ETV6: variants seen among roughly 807,000 people sequenced by gnomAD.
The protein encoded by ETV6 is ETS variant transcription factor 6.
A neutral mutation model predicts 51.1 loss-of-function variants in ETV6; 16 were observed. The observed-to-expected ratio is 0.31, with a 90% confidence interval of 0.21 to 0.48. The LOEUF is 0.48. ETV6 is among the 20% of genes least tolerant of loss of function. The pLI, the probability that ETV6 is intolerant of heterozygous loss-of-function variation, is 0.99. For missense variants in ETV6, 458 were observed against 594.8 expected (o/e 0.77, Z 2.39); for synonymous variants, 240 against 224.1 (o/e 1.07, Z -0.64).
At chr12:11,672,844 A>C (rs561749657) in intron 1 of ETV6, among the ~76,000 whole-genome samples, 1 of 152,354 alleles carries the variant, frequency 6.6e-6, no homozygotes, top group South Asian at 2.1e-4. Context: ...TGAGGGTAGG[A>C]AGGCGGTGAA....
Position 11,871,481 on chromosome 12 carries a change from C to T in ETV6, c.1009+1512C>T, listed in dbSNP as rs570967677. ...CTAGGATTACAGGCGTGAGCCACCG[C>T]GCCTGGCCGGTACTGTCCCTTTTTT... is the stretch of plus-strand genomic sequence containing the variant. On this transcript the variant is annotated intron_variant, in intron 5 of 7. Coordinates refer to ENST00000396373, the MANE Select transcript of ETV6 (RefSeq NM_001987.5). 8.5e-5 allele frequency among the ~76,000 whole-genome samples: 13 copies of T among 152,294 alleles called. No individual in the cohort carries two copies. In the South Asian group the frequency reaches 1.4e-3, roughly 17 times the overall value.
At chr12:11,822,168 G>A (rs1194367804) in intron 2 of ETV6, among the ~76,000 whole-genome samples, 3 of 152,162 alleles carry the variant, frequency 2.0e-5, no homozygotes, top group Admixed American at 1.3e-4. Flanking sequence ...TCCGGGACGC[G>A]AGGCATAGTG....
chr12:11,789,089 G>T (rs1945536544), intron 2 of ETV6, among the ~76,000 whole-genome samples: 1 of 152,122 alleles, frequency 6.6e-6, no homozygotes, highest in African/African-American at 2.4e-5. Context: ...CTGGAGTGCA[G>T]TTGTGTGATC....
intron 1 of ETV6, among the ~76,000 whole-genome samples, chr12:11,738,837 A>G (rs1157835570): frequency 6.6e-6 from 1 of 152,190 alleles, no homozygotes; most frequent in Non-Finnish European, 1.5e-5. Context: ...CAAACTCAAG[A>G]TGGTAGAAAC....
chr12:11,784,862 A>ATTTTTTTTTTTTTTTTTTTTTTTTTTTTT (rs34004409), intron 2 of ETV6, among the ~76,000 whole-genome samples: 1 of 85,788 alleles, frequency 1.2e-5, no homozygotes, highest in African/African-American at 4.8e-5. Flanking sequence ...TGCCTTGCTA[A>ATTTTTTTTTTTTTTTTTTTTTTTTTTTTT]TTTTTTTTTT....
intron 2 of ETV6, among the ~76,000 whole-genome samples, chr12:11,777,772 C>T (rs968528353): frequency 1.3e-5 from 2 of 151,830 alleles, no homozygotes; most frequent in African/African-American, 4.8e-5. Flanking sequence ...CCCACCCTAG[C>T]AAGATTAATT....
intron 1 of ETV6, among the ~76,000 whole-genome samples, chr12:11,676,587 C>T (rs1399140730): frequency 6.6e-6 from 1 of 152,340 alleles, no homozygotes; most frequent in East Asian, 1.9e-4. Context: ...CAGCTGATGG[C>T]TCTTTCCTAG....
At chr12:11,771,099 G>T (rs1223212257) in intron 2 of ETV6, among the ~76,000 whole-genome samples, 1 of 152,208 alleles carries the variant, frequency 6.6e-6, no homozygotes, top group African/African-American at 2.4e-5. Context: ...AAACATAGCA[G>T]GACTTTGTAG....
chr12:11,672,872 G>A (rs947608827), intron 1 of ETV6, among the ~76,000 whole-genome samples: 1 of 152,234 alleles, frequency 6.6e-6, no homozygotes, highest in African/African-American at 2.4e-5. Context: ...GATCAGAACC[G>A]TGGAAGAGTC....
At chr12:11,695,051 A>G (rs1864848913) in intron 1 of ETV6, among the ~76,000 whole-genome samples, 1 of 152,242 alleles carries the variant, frequency 6.6e-6, no homozygotes, top group African/African-American at 2.4e-5. Flanking sequence ...TACCGAAGAC[A>G]GGCCCATGCG....
At chr12:11,796,876 T>A (rs900881865) in intron 2 of ETV6, among the ~76,000 whole-genome samples, 5 of 151,576 alleles carry the variant, frequency 3.3e-5, no homozygotes, top group Admixed American at 3.3e-4. Flanking sequence ...AGCCTCCACC[T>A]CCTGGGCTCA....
At chr12:11,764,318 C>T (rs1945132283) in intron 2 of ETV6, among the ~76,000 whole-genome samples, 1 of 152,170 alleles carries the variant, frequency 6.6e-6, no homozygotes, top group South Asian at 2.1e-4. Context: ...AAATCCAGGC[C>T]TCCTGATTTA....
In ETV6 at chr12:11,658,215, A is replaced by G. The variant is rs568443565; in HGVS notation, c.33+8055A>G. 7.0e-4 allele frequency among the ~76,000 whole-genome samples: 106 copies of G among 152,276 alleles called. 2 individuals are homozygous for G. Among genetic ancestry groups the G allele is most frequent in the Admixed American group, 4.4e-3 (67 of 15,292 alleles). On this transcript the variant is annotated intron_variant, in intron 1 of 7. Coordinates refer to ENST00000396373, the MANE Select transcript of ETV6 (RefSeq NM_001987.5). ...GTGCCCACATTATACAGTTGAGAAT[A>G]CAGAGGCCAGGGGATGGTTTGTTTT... is the stretch of plus-strand genomic sequence containing the variant.
At chr12:11,704,431 C>T (rs752984833) in intron 1 of ETV6, among the ~76,000 whole-genome samples, 25 of 152,202 alleles carry the variant, frequency 1.6e-4, no homozygotes, top group Non-Finnish European at 2.6e-4. Flanking sequence ...ACTGCAACCT[C>T]TGCCTCCCAG....
At chr12:11,736,495 G>C (rs1157565041) in intron 1 of ETV6, among the ~76,000 whole-genome samples, 1 of 152,210 alleles carries the variant, frequency 6.6e-6, no homozygotes, top group African/African-American at 2.4e-5. Context: ...GCAATATACT[G>C]TTATCTATAA....
intron 3 of ETV6, among the ~76,000 whole-genome samples, chr12:11,840,207 A>G (rs1020958924): frequency 6.6e-6 from 1 of 152,238 alleles, no homozygotes; most frequent in Non-Finnish European, 1.5e-5. Flanking sequence ...AGCTTGTCTA[A>G]TTAAGGGCTC....
chr12:11,880,032 T>TA (rs59152213), intron 5 of ETV6, among the ~76,000 whole-genome samples: 7,373 of 117,772 alleles, frequency 0.063, 297 homozygotes, highest in African/African-American at 0.11. Flanking sequence ...GTCAATTGTT[T>TA]AAAAAAAAAA....
rs1194105079 is a variant in ETV6, at chr12:11,793,974, A to T, written c.163+41395A>T. ...CCCAGAGAAATCTAGAATAAATACCATGAGAAAATAGTCCCTCTGGAAGGC... is the reference window on the plus strand; with the variant it reads ...CCCAGAGAAATCTAGAATAAATACCTTGAGAAAATAGTCCCTCTGGAAGGC... On this transcript the variant is annotated intron_variant, in intron 2 of 7. Coordinates refer to ENST00000396373, the MANE Select transcript of ETV6 (RefSeq NM_001987.5). Among the ~76,000 whole-genome samples the T allele has an allele frequency of 2.6e-5, 4 of 152,184 alleles. No homozygotes were observed. In the East Asian group the frequency reaches 7.7e-4, roughly 29 times the overall value.
At chr12:11,854,974 G>A (rs1207888810) in intron 4 of ETV6, among the ~76,000 whole-genome samples, 1 of 151,970 alleles carries the variant, frequency 6.6e-6, no homozygotes, top group Non-Finnish European at 1.5e-5. Context: ...TCCAGAATAG[G>A]TGTTGGGGCA....
Sources: allele counts gnomAD v4.1 joint callset (sites outside exome capture counted in the v4.1 genomes callset), GRCh38; gene constraint gnomAD v4.1.1; transcripts MANE v1.5; gene names NCBI Gene and HGNC (gene_info 2026-07-23, HGNC 2026-07-21).